SERGEF: variants seen among roughly 807,000 people sequenced by gnomAD.
SERGEF encodes the protein secretion-regulating guanine nucleotide exchange factor.
In SERGEF, 51 loss-of-function variants were observed where a neutral mutation model predicts 50.0. The ratio of observed to expected loss-of-function variants is 1.02; its 90% CI spans 0.81 to 1.29. The LOEUF (loss-of-function observed/expected upper bound fraction) is 1.29, where lower values mean the gene tolerates loss of function less well. Among genes scored for constraint, SERGEF ranks in the 50% most tolerant of loss-of-function variants. The pLI is 0.00. For synonymous variants in SERGEF, 205 were observed against 212.4 expected (o/e 0.97, Z 0.30); for missense variants, 521 against 557.0 (o/e 0.94, Z 0.65).
At chr11:17,946,996 C>CA (rs1311844234) in intron 9 of SERGEF, among the ~76,000 whole-genome samples, 1 of 152,126 alleles carries the variant, frequency 6.6e-6, no homozygotes, top group Non-Finnish European at 1.5e-5. Flanking sequence ...GTAAGACACA[C>CA]AAAAAATCTT....
intron 10 of SERGEF, among the ~76,000 whole-genome samples, chr11:17,864,509 A>T (rs954283781): frequency 2.6e-5 from 4 of 151,436 alleles, no homozygotes; most frequent in Non-Finnish European, 4.4e-5. Flanking sequence ...AAGATTCTGT[A>T]AAAAAAACAC....
chr11:18,009,325 A>G (rs1854149820), intron 1 of SERGEF, among the ~76,000 whole-genome samples: 1 of 152,140 alleles, frequency 6.6e-6, no homozygotes, highest in Non-Finnish European at 1.5e-5. Context: ...AGCCAGTAAT[A>G]TTCCTCATCT....
At chr11:17,899,878 C>G (rs963210562) in intron 9 of SERGEF, among the ~76,000 whole-genome samples, 1 of 151,724 alleles carries the variant, frequency 6.6e-6, no homozygotes, top group African/African-American at 2.4e-5. Flanking sequence ...ATGGCTTGAG[C>G]CCAGGAGTTC....
At chr11:17,905,863 G>A (rs1044834289) in intron 9 of SERGEF, among the ~76,000 whole-genome samples, 4 of 152,142 alleles carry the variant, frequency 2.6e-5, no homozygotes, top group Admixed American at 1.3e-4. Context: ...GAGCTTGGAT[G>A]AGCAGATCCT....
intron 4 of SERGEF, among the ~76,000 whole-genome samples, chr11:18,001,486 C>G (rs1299394568): frequency 6.6e-6 from 1 of 152,184 alleles, no homozygotes; most frequent in Admixed American, 6.5e-5. Context: ...GTCCACATGG[C>G]AAGGAACATG....
At chr11:17,990,376 T>C (rs1490400629) in intron 7 of SERGEF, among the ~76,000 whole-genome samples, 1 of 152,216 alleles carries the variant, frequency 6.6e-6, no homozygotes, top group Non-Finnish European at 1.5e-5. Flanking sequence ...TTCTATGAAG[T>C]GAATTTGGTG....
intron 9 of SERGEF, among the ~76,000 whole-genome samples, chr11:17,881,786 G>A (rs557035092): frequency 1.3e-5 from 2 of 152,138 alleles, no homozygotes; most frequent in Non-Finnish European, 2.9e-5. Context: ...GGACAAATGA[G>A]ACAATTTATC....
chr11:17,975,229 C>T (rs954458422), intron 8 of SERGEF, among the ~76,000 whole-genome samples: 2 of 152,164 alleles, frequency 1.3e-5, no homozygotes, highest in Non-Finnish European at 2.9e-5. Flanking sequence ...TATGTCTCTT[C>T]GGTTTCCTCA....
At chr11:17,817,437 C>T (rs532542954) in intron 10 of SERGEF, among the ~76,000 whole-genome samples, 44 of 151,958 alleles carry the variant, frequency 2.9e-4, no homozygotes, top group African/African-American at 9.2e-4. Context: ...AGGATGGTGT[C>T]GATCCCCTGA....
At chr11:17,905,850 A>G (rs1411323193) in intron 9 of SERGEF, among the ~76,000 whole-genome samples, 1 of 152,172 alleles carries the variant, frequency 6.6e-6, no homozygotes, top group Non-Finnish European at 1.5e-5. Context: ...TAAATAAAAT[A>G]AGGAGCTTGG....
intron 10 of SERGEF, among the ~76,000 whole-genome samples, chr11:17,833,252 G>C (rs1850343457): frequency 6.6e-6 from 1 of 152,226 alleles, no homozygotes; most frequent in African/African-American, 2.4e-5. Flanking sequence ...TAGAGCTTGG[G>C]CCGTGGCTTC....
intron 9 of SERGEF, among the ~76,000 whole-genome samples, chr11:17,898,937 C>G (rs142448706): frequency 2.3e-4 from 35 of 152,208 alleles, no homozygotes; most frequent in African/African-American, 8.4e-4. Context: ...ACCACCCTCT[C>G]GGTGCTATTC....
intron 9 of SERGEF, among the ~76,000 whole-genome samples, chr11:17,889,820 G>C (rs1037687652): frequency 6.6e-6 from 1 of 152,148 alleles, no homozygotes; most frequent in Non-Finnish European, 1.5e-5. Flanking sequence ...TCTTCCGTGA[G>C]TTTGAAATCA....
chr11:18,002,802 A>C (rs1853993018), intron 4 of SERGEF, among the ~76,000 whole-genome samples: 2 of 152,224 alleles, frequency 1.3e-5, no homozygotes. Context: ...TAGTACCTAC[A>C]CATAATGGTT....
intron 10 of SERGEF, among the ~76,000 whole-genome samples, chr11:17,799,823 G>A (rs548961692): frequency 5.9e-5 from 9 of 152,310 alleles, no homozygotes; most frequent in South Asian, 4.1e-4. Flanking sequence ...TATCTGGTCC[G>A]TGTCTGGTGC....
chr11:17,869,848 G>T (rs1183100201), intron 10 of SERGEF, among the ~76,000 whole-genome samples: 1 of 152,144 alleles, frequency 6.6e-6, no homozygotes, highest in African/African-American at 2.4e-5. Context: ...TTGTTACATG[G>T]CAAGGGGAAC....
chr11:17,889,626 A>AGT (rs1271580441), intron 9 of SERGEF, among the ~76,000 whole-genome samples: 4 of 152,222 alleles, frequency 2.6e-5, no homozygotes, highest in African/African-American at 9.7e-5. Flanking sequence ...AAAGTGAAAA[A>AGT]TTGTCATAAA....
chr11:17,807,818 G>A (rs1204102615), intron 10 of SERGEF, among the ~76,000 whole-genome samples: 1 of 152,208 alleles, frequency 6.6e-6, no homozygotes, highest in Non-Finnish European at 1.5e-5. Flanking sequence ...TGTGAACCAG[G>A]AGGGGAGGCA....
At chr11:17,809,469 A>G (rs1379937530) in intron 10 of SERGEF, among the ~76,000 whole-genome samples, 1 of 152,194 alleles carries the variant, frequency 6.6e-6, no homozygotes, top group African/African-American at 2.4e-5. Context: ...AATCTGGCAT[A>G]ATAACAATCA....
Sources: allele counts gnomAD v4.1 joint callset (sites outside exome capture counted in the v4.1 genomes callset), GRCh38; gene constraint gnomAD v4.1.1; transcripts MANE v1.5; gene names NCBI Gene and HGNC (gene_info 2026-07-23, HGNC 2026-07-21).